PALS1: variants seen among roughly 807,000 people sequenced by gnomAD.
The protein encoded by PALS1 is protein associated with LIN7 1, MAGUK p55 family member, also known as protein PALS1.
Under a neutral mutation model 78.9 loss-of-function variants are expected in PALS1, and 31 were observed. The observed-to-expected ratio is 0.39, with a 90% CI of 0.30 to 0.53. PALS1 has a LOEUF of 0.53. PALS1 is among the 20% of genes least tolerant of loss of function. The pLI is 0.67. For missense variants in PALS1, 704 were observed against 826.5 expected (o/e 0.85, Z 1.82); for synonymous variants, 276 against 270.9 (o/e 1.02, Z -0.18).
intron 14 of PALS1, among the ~76,000 whole-genome samples, chr14:67,325,977 T>C (rs932449650): frequency 7.8e-5 from 10 of 127,804 alleles, no homozygotes; most frequent in Non-Finnish European, 9.2e-5. Flanking sequence ...CCCGGCTCTT[T>C]TCTTTTTTTT....
chr14:67,279,431 T>G lies in PALS1; in HGVS notation c.261T>G (p.Leu87=), dbSNP rs541759851. The change falls in exon 3 of 15, where the codon CTT becomes CTG. Residue 87 remains leucine (L), a synonymous_variant. Transcript: ENST00000261681. ...TTGACCTTAATTCTTCCATGAGACT[T>G]AAGAAACTAGCCCAAATTCCTCCAA... ...QELDLNSSMR[L]KKLAQIPPKT... 67 of 1,613,760 alleles carry G rather than the reference T, an allele frequency of 4.2e-5. 1 individual carries two copies. The South Asian group carries it at 7.4e-4, about 18-fold the overall frequency.
chr14:67,314,993 A>AG (rs1253590011), intron 9 of PALS1, among the ~76,000 whole-genome samples: 1 of 152,170 alleles, frequency 6.6e-6, no homozygotes, highest in Non-Finnish European at 1.5e-5. Context: ...CTGTAGTCCC[A>AG]GCTATTCAGG....
intron 2 of PALS1, among the ~76,000 whole-genome samples, chr14:67,273,296 C>T (rs968682361): frequency 1.3e-4 from 20 of 151,702 alleles, no homozygotes; most frequent in East Asian, 9.7e-4. Flanking sequence ...CGACAGGCCC[C>T]GATGTGTGAT....
intron 2 of PALS1, 21 bp from the exon 3 acceptor site, chr14:67,278,996 TC>T (rs1367111626): frequency 1.4e-5 from 8 of 570,452 alleles, no homozygotes; most frequent in Admixed American, 3.7e-5. Context: ...TACACTTTTT[TC>T]CCCCCCATCT....
At chr14:67,331,444 G>A (rs973492039) in intron 14 of PALS1, among the ~76,000 whole-genome samples, 27 of 151,358 alleles carry the variant, frequency 1.8e-4, no homozygotes, top group Non-Finnish European at 3.0e-4. Flanking sequence ...AGAAAATGAT[G>A]GCGTTACAAA....
intron 3 of PALS1, among the ~76,000 whole-genome samples, chr14:67,280,949 T>G (rs1010557554): frequency 6.0e-5 from 9 of 149,816 alleles, no homozygotes; most frequent in African/African-American, 1.7e-4. Flanking sequence ...CAGGCTGGAG[T>G]GCAGTGGTGC....
At chr14:67,265,032 C>G (rs1304417234) in intron 1 of PALS1, among the ~76,000 whole-genome samples, 2 of 151,966 alleles carry the variant, frequency 1.3e-5, no homozygotes, top group Non-Finnish European at 2.9e-5. Context: ...TGGGTTTTTA[C>G]TTTGAAGATT....
chr14:67,300,336 C>CTTTTTTTTTTTTTTTTTT (rs36091817), intron 4 of PALS1, among the ~76,000 whole-genome samples: 1,395 of 138,604 alleles, frequency 0.01, 40 homozygotes, highest in African/African-American at 0.02. Flanking sequence ...TATGAATTAC[C>CTTTTTTTTTTTTTTTTTT]TTTTTTTTTT....
chr14:67,300,347 T>TTTTTTTTTTTTTTTTTTA, intron 4 of PALS1, among the ~76,000 whole-genome samples: 1 of 151,598 alleles, frequency 6.6e-6, no homozygotes, highest in African/African-American at 2.4e-5. Context: ...TTTTTTTTTT[T>TTTTTTTTTTTTTTTTTTA]GAGAAAGTCT....
chr14:67,290,567 T>C (rs900222982), intron 3 of PALS1, among the ~76,000 whole-genome samples: 1 of 152,222 alleles, frequency 6.6e-6, no homozygotes. Context: ...TTAAAAATTA[T>C]TGTTATTTTA....
At chr14:67,257,548 A>G (rs556917560) in intron 1 of PALS1, among the ~76,000 whole-genome samples, 13 of 152,266 alleles carry the variant, frequency 8.5e-5, no homozygotes, top group African/African-American at 2.9e-4. Flanking sequence ...GGAATGTACT[A>G]TGAGAGACAG....
chr14:67,306,030 C>T (rs1397364789), intron 8 of PALS1, among the ~76,000 whole-genome samples: 3 of 152,182 alleles, frequency 2.0e-5, no homozygotes, highest in African/African-American at 4.8e-5. Flanking sequence ...CAAGCAGTGG[C>T]ACCATCTGGG....
chr14:67,263,200 A>G (rs2084265460), intron 1 of PALS1, among the ~76,000 whole-genome samples: 1 of 152,216 alleles, frequency 6.6e-6, no homozygotes, highest in Admixed American at 6.5e-5. Flanking sequence ...TACTTCAGGA[A>G]ATGTTATGTG....
Position 67,320,533 on chromosome 14 carries a change from T to C in PALS1, c.1537+136T>C, listed in dbSNP as rs1027068212. On this transcript the variant is annotated intron_variant, in intron 12 of 14. Transcript: ENST00000261681. ...GTGAAAGAGGAACTTTAACCAAAGA[T>C]TTTGACAATTTTTAAATTAAAAATA... 5.2e-6 allele frequency: 4 copies of C among 772,014 alleles called. No individual in the cohort carries two copies. In the Middle Eastern group the frequency reaches 9.8e-4, roughly 190 times the overall value. 47.8% of individuals were successfully genotyped at this position (772,014 alleles called of 1,614,324 possible).
intron 1 of PALS1, among the ~76,000 whole-genome samples, chr14:67,245,112 C>A (rs1595555877): frequency 6.6e-6 from 1 of 152,128 alleles, no homozygotes; most frequent in East Asian, 1.9e-4. Context: ...GTAATTTTAG[C>A]CAAGGGAGAC....
intron 9 of PALS1, among the ~76,000 whole-genome samples, chr14:67,316,547 A>C (rs1176622199): frequency 2.6e-5 from 4 of 152,202 alleles, no homozygotes; most frequent in Admixed American, 6.5e-5. Context: ...CCACAAAGTA[A>C]ATGCTCAATG....
At chr14:67,284,442 A>AAAAAAAAAC (rs890593561) in intron 3 of PALS1, among the ~76,000 whole-genome samples, 2 of 142,768 alleles carry the variant, frequency 1.4e-5, no homozygotes, top group African/African-American at 5.2e-5. Context: ...AAAAAAAAAA[A>AAAAAAAAAC]AACAGCTGGG....
rs567487032 is a variant in PALS1 at position 67,294,247 on chromosome 14, G to A, written c.576+1528G>A. On this transcript the variant is annotated intron_variant, in intron 4 of 14. Coordinates refer to ENST00000261681, the MANE Select transcript of PALS1 (RefSeq NM_022474.4). ...GTGTCTTCAGTGATAGAACGTGAATGGTTTCCCCTGGAGTGTGCATGACTG... is the reference window on the plus strand; with the variant it reads ...GTGTCTTCAGTGATAGAACGTGAATAGTTTCCCCTGGAGTGTGCATGACTG... 2.0e-5 allele frequency: 3 copies of A among 152,254 alleles called. No individual in the cohort carries two copies. In the East Asian group the frequency reaches 5.8e-4, roughly 29 times the overall value. 9.4% of individuals were successfully genotyped at this position (152,254 alleles called of 1,614,324 possible). A position where few individuals can be genotyped will look rare whatever the true frequency, so the allele number is the denominator to read the frequency against.
At chr14:67,279,582 T>C (rs1173311338) in intron 3 of PALS1, 45 bp downstream of exon 3, 8 of 1,482,666 alleles carry the variant, frequency 5.4e-6, no homozygotes, top group Non-Finnish European at 7.2e-6. Context: ...TGCTTTAATT[T>C]ATCTGTGCCT....
Sources: allele counts gnomAD v4.1 joint callset (sites outside exome capture counted in the v4.1 genomes callset), GRCh38; gene constraint gnomAD v4.1.1; transcripts MANE v1.5; gene names NCBI Gene and HGNC (gene_info 2026-07-23, HGNC 2026-07-21).